The following ADAM7 variants were observed in gnomAD, a reference collection of about 807,000 sequenced individuals.
ADAM7 encodes the protein ADAM metallopeptidase domain 7.
A neutral mutation model predicts 102.9 loss-of-function variants in ADAM7; 97 were observed. The ratio of observed to expected loss-of-function variants is 0.94; its 90% confidence interval spans 0.80 to 1.12. The LOEUF (loss-of-function observed/expected upper bound fraction) is 1.12. Among genes scored for constraint, ADAM7 ranks in the 50% most tolerant of loss-of-function variants. The probability of loss-of-function intolerance (pLI) is 0.00; values close to 1 mark genes in which losing one functional copy is unlikely to be tolerated. For synonymous variants in ADAM7, 334 were observed against 304.4 expected, an observed-to-expected ratio of 1.10 and a Z score of -1.01; for missense variants, 991 against 908.7, an observed-to-expected ratio of 1.09 and a Z score of -1.16.
At chr8:24,472,468 A>G (rs1346179936) in intron 7 of ADAM7, among the ~76,000 whole-genome samples, 1 of 152,074 alleles carries the variant, frequency 6.6e-6, no homozygotes, top group Non-Finnish European at 1.5e-5. Context: ...CCACTAAAAG[A>G]CTATTGGTTT....
At chr8:24,500,677 T>C in intron 18 of ADAM7, 113 bp from the exon 19 acceptor site, 1 of 762,050 alleles carries the variant, frequency 1.3e-6, no homozygotes, top group East Asian at 2.7e-5. Context: ...GAAAGGAGAA[T>C]TGAAGTTCTA....
chr8:24,500,531 C>A (rs998251560), intron 18 of ADAM7, among the ~76,000 whole-genome samples: 4 of 152,158 alleles, frequency 2.6e-5, no homozygotes, highest in Admixed American at 2.6e-4. Context: ...TAGTTATTAA[C>A]TGACAATCAA....
chr8:24,468,739 T>G (rs982153865), intron 6 of ADAM7, 28 bp from the exon 7 acceptor site: 2 of 1,606,052 alleles, frequency 1.2e-6, no homozygotes, highest in African/African-American at 2.7e-5. Flanking sequence ...TTAACTATAC[T>G]TCAACTGAAT....
At chr8:24,496,615 G>T (rs569087058) in intron 16 of ADAM7, among the ~76,000 whole-genome samples, 1 of 152,216 alleles carries the variant, frequency 6.6e-6, no homozygotes, top group East Asian at 1.9e-4. Context: ...ATCTGGATGT[G>T]AGACATGGAA....
rs895346900 is a variant in ADAM7, at chr8:24,482,234, T to C, written c.798T>C (p.Thr266=). ...DKIELYSNIE[T]TLLRFSFWQE... ...TAGAACTATATTCAAATATAGAAACTACCTTATTGCGTTTTTCATTTTGGC... is the reference window on the plus strand; with the variant it reads ...TAGAACTATATTCAAATATAGAAACCACCTTATTGCGTTTTTCATTTTGGC... Residue 266 remains threonine (T), a synonymous_variant, in exon 9 of 22, where the codon ACT becomes ACC. Transcript: ENST00000175238. 2.5e-6 allele frequency: 4 copies of C among 1,610,926 alleles called. No individual in the cohort carries two copies. The African/African-American group carries it at 5.4e-5, about 22-fold the overall frequency.
At chr8:24,494,039 AAC>A (rs1020118724) in intron 16 of ADAM7, among the ~76,000 whole-genome samples, 1 of 152,152 alleles carries the variant, frequency 6.6e-6, no homozygotes, top group African/African-American at 2.4e-5. Flanking sequence ...ATATATGGAA[AAC>A]ACATGATATT....
rs758914916 is a variant in ADAM7 at position 24,499,219 on chromosome 8, G to C, written c.1843-17G>C. The stretch of plus-strand genomic sequence containing the variant: ...TTGTAAGTCATTTTAATTCATGCTT[G>C]GTTACTTCATTTCTAGGTGTGCAAC... On this transcript the variant is annotated splice_polypyrimidine_tract_variant and intron_variant, in intron 16 of 21. Coordinates refer to ENST00000175238, the MANE Select transcript of ADAM7 (RefSeq NM_003817.4). 3 of 1,553,446 alleles carry C rather than the reference G, an allele frequency of 1.9e-6. No homozygotes were observed. The South Asian group carries it at 3.7e-5, about 19-fold the overall frequency.
chr8:24,454,983 T>C (rs1228886960), intron 3 of ADAM7, among the ~76,000 whole-genome samples: 1 of 152,206 alleles, frequency 6.6e-6, no homozygotes, highest in Admixed American at 6.5e-5. Flanking sequence ...TGAAGAGTTT[T>C]ATTTGTATGT....
intron 21 of ADAM7, 45 bp downstream of exon 21, chr8:24,507,580 A>C: frequency 1.3e-6 from 2 of 1,484,538 alleles, no homozygotes. Flanking sequence ...TATTTTTCAA[A>C]TGCTGGCATA....
Position 24,508,640 on chromosome 8 carries a change from A to G in ADAM7, c.*94A>G. 1 of 1,594,468 alleles carries G rather than the reference A, an allele frequency of 6.3e-7. No homozygotes were observed. Among genetic ancestry groups the G allele is most frequent in the South Asian group, 1.1e-5 (1 of 88,260 alleles). ...AACCTTACCTAGATATCTGCTACTC[A>G]CATTTTTGGTAGTGTTTCAAACGTT... On this transcript the variant is annotated 3_prime_UTR_variant, in exon 22 of 22. Transcript: ENST00000175238.
intron 3 of ADAM7, among the ~76,000 whole-genome samples, chr8:24,448,697 T>G (rs1818659422): frequency 6.6e-6 from 1 of 151,840 alleles, no homozygotes; most frequent in African/African-American, 2.4e-5. Flanking sequence ...CTTTAAGTTT[T>G]AGGGTACATG....
At chr8:24,454,187 C>T (rs1818912493) in intron 3 of ADAM7, among the ~76,000 whole-genome samples, 1 of 152,224 alleles carries the variant, frequency 6.6e-6, no homozygotes, top group Non-Finnish European at 1.5e-5. Flanking sequence ...TTAAAGCTGT[C>T]AGACAGGGAC....
At chr8:24,506,188 G>A in intron 20 of ADAM7, 2 of 1,458,948 alleles carry the variant, frequency 1.4e-6, no homozygotes, top group Non-Finnish European at 1.9e-6. Context: ...CTTGGTGGTG[G>A]GCTATGTCCT....
chr8:24,462,902 C>A (rs560779480), intron 3 of ADAM7, among the ~76,000 whole-genome samples: 11 of 152,104 alleles, frequency 7.2e-5, no homozygotes, highest in Admixed American at 5.2e-4. Flanking sequence ...AATTGGTACA[C>A]CAAATTGGGC....
chr8:24,477,579 T>A (rs1343627276), intron 8 of ADAM7, among the ~76,000 whole-genome samples: 1 of 152,004 alleles, frequency 6.6e-6, no homozygotes, highest in African/African-American at 2.4e-5. Flanking sequence ...AGTGTGTGTG[T>A]GTGTGTGTGT....
intron 14 of ADAM7, 42 bp downstream of exon 14, chr8:24,492,140 C>T: frequency 1.3e-6 from 2 of 1,561,008 alleles, no homozygotes; most frequent in South Asian, 2.4e-5. Context: ...AGATGGTGGC[C>T]TCTATTTCTC....
At chr8:24,493,358 T>G (rs1162322109) in intron 16 of ADAM7, 129 bp downstream of exon 16, 2 of 802,992 alleles carry the variant, frequency 2.5e-6, no homozygotes, top group African/African-American at 3.6e-5. Flanking sequence ...AGTATTTTTT[T>G]AATGAGGAGC....
intron 7 of ADAM7, among the ~76,000 whole-genome samples, chr8:24,472,415 C>A (rs1819638251): frequency 6.6e-6 from 1 of 151,742 alleles, no homozygotes; most frequent in Non-Finnish European, 1.5e-5. Context: ...TTCTTTTTTA[C>A]CACAACCCAA....
chr8:24,504,010 G>C (rs1173089553), intron 20 of ADAM7, among the ~76,000 whole-genome samples: 1 of 149,998 alleles, frequency 6.7e-6, no homozygotes, highest in African/African-American at 2.5e-5. Flanking sequence ...ATGTATCCCT[G>C]AACTTCAAGT....
Sources: gnomAD v4.1 joint callset for allele counts (sites outside exome capture counted in the v4.1 genomes callset) on GRCh38, gnomAD v4.1.1 for gene constraint, MANE v1.5 for transcripts, NCBI Gene and HGNC (gene_info 2026-07-23, HGNC 2026-07-21) for gene names.